The following NKAIN2 variants were observed in gnomAD, a reference collection of about 807,000 sequenced individuals.
NKAIN2 encodes sodium/potassium-transporting ATPase subunit beta-1-interacting protein 2.
A neutral mutation model predicts 32.6 loss-of-function variants in NKAIN2; 14 were observed. The ratio of observed to expected loss-of-function variants is 0.43; its 90% CI spans 0.28 to 0.67. The LOEUF is 0.67. NKAIN2 is among the 30% of genes least tolerant of loss of function. The probability of loss-of-function intolerance (pLI) is 0.17; values close to 1 mark genes in which losing one functional copy is unlikely to be tolerated. For synonymous variants in NKAIN2, 80 were observed against 87.2 expected (o/e 0.92, Z 0.46); for missense variants, 198 against 258.3 (o/e 0.77, Z 1.60).
At chr6:124,665,910 G>A (rs925938133) in intron 4 of NKAIN2, among the ~76,000 whole-genome samples, 1 of 152,038 alleles carries the variant, frequency 6.6e-6, no homozygotes, top group Non-Finnish European at 1.5e-5. Context: ...ATCGTGAGTT[G>A]GTGTAGATCT....
At chr6:124,224,875 G>C (rs73770370) in intron 1 of NKAIN2, among the ~76,000 whole-genome samples, 3,547 of 152,120 alleles carry the variant, frequency 0.023, 131 homozygotes, top group African/African-American at 0.082. Flanking sequence ...AGTAATTTAG[G>C]ATGTGGCTAT....
chr6:124,145,186 A>C (rs1247633452), intron 1 of NKAIN2, among the ~76,000 whole-genome samples: 1 of 152,210 alleles, frequency 6.6e-6, no homozygotes, highest in Non-Finnish European at 1.5e-5. Context: ...GGAAATGAAA[A>C]ATGTTAGACA....
intron 2 of NKAIN2, among the ~76,000 whole-genome samples, chr6:124,337,162 T>G (rs1797911344): frequency 6.6e-6 from 1 of 152,152 alleles, no homozygotes; most frequent in South Asian, 2.1e-4. Flanking sequence ...ATAAATTTAT[T>G]TAAATTTGAA....
At chr6:124,460,705 A>G (rs923741899) in intron 3 of NKAIN2, among the ~76,000 whole-genome samples, 23 of 151,602 alleles carry the variant, frequency 1.5e-4, no homozygotes, top group African/African-American at 5.1e-4. Context: ...TCTAAAAGTG[A>G]TTTGTTAACT....
intron 1 of NKAIN2, among the ~76,000 whole-genome samples, chr6:123,854,685 G>A (rs768458004): frequency 2.0e-4 from 31 of 152,078 alleles, no homozygotes; most frequent in Non-Finnish European, 3.7e-4. Flanking sequence ...GAGTACATAA[G>A]TAACTTGTGC....
At position 124,759,636 on chromosome 6, in the gene NKAIN2, CACACACACACACACACACA is replaced by C. The variant is rs1211180591; in HGVS notation, c.475-31702_475-31684del. Among the ~76,000 whole-genome samples, 124 of 128,818 alleles carry C rather than the reference CACACACACACACACACACA, an allele frequency of 9.6e-4. 1 individual carries two copies. Among genetic ancestry groups the C allele is most frequent in the South Asian group, 2.7e-3 (10 of 3,736 alleles). 84.5% of individuals were successfully genotyped at this position (128,818 alleles called of 152,430 possible). On this transcript the variant is annotated intron_variant, in intron 4 of 6. Transcript: ENST00000368417. ...ACACACACACACACACACACACACA[CACACACACACACACACACA>C]CCCCCTATCTCCCTTTCCTGCCTTA...
At chr6:124,479,897 A>G (rs1005032983) in intron 3 of NKAIN2, among the ~76,000 whole-genome samples, 1 of 152,184 alleles carries the variant, frequency 6.6e-6, no homozygotes, top group African/African-American at 2.4e-5. Context: ...ATTAGACCTA[A>G]TTAGAAATAG....
chr6:124,382,553 C>T (rs548257957), intron 3 of NKAIN2, among the ~76,000 whole-genome samples: 21 of 152,242 alleles, frequency 1.4e-4, no homozygotes, highest in Non-Finnish European at 2.5e-4. Context: ...TCCTCTAATT[C>T]TCTGCCAGAT....
chr6:124,219,776 CA>C (rs1458834737), intron 1 of NKAIN2, among the ~76,000 whole-genome samples: 3 of 152,068 alleles, frequency 2.0e-5, no homozygotes, highest in African/African-American at 7.2e-5. Flanking sequence ...TATTTTAGAA[CA>C]ACATCAGTGA....
intron 2 of NKAIN2, among the ~76,000 whole-genome samples, chr6:124,297,565 TC>T (rs1796110580): frequency 1.3e-5 from 2 of 151,890 alleles, no homozygotes; most frequent in Admixed American, 6.5e-5. Context: ...ATACTGCTCT[TC>T]CTTCCTCTCC....
chr6:124,477,375 G>T (rs1777262011), intron 3 of NKAIN2, among the ~76,000 whole-genome samples: 1 of 152,128 alleles, frequency 6.6e-6, no homozygotes, highest in Non-Finnish European at 1.5e-5. Flanking sequence ...TGGGCCATCT[G>T]CTCTAGTCCC....
At chr6:124,346,698 T>A (rs1798440988) in intron 2 of NKAIN2, among the ~76,000 whole-genome samples, 1 of 151,812 alleles carries the variant, frequency 6.6e-6, no homozygotes, top group African/African-American at 2.4e-5. Flanking sequence ...TAGATCTTCC[T>A]CCATCCTTTT....
chr6:124,141,099 A>G (rs1371147373), intron 1 of NKAIN2, among the ~76,000 whole-genome samples: 1 of 152,196 alleles, frequency 6.6e-6, no homozygotes, highest in African/African-American at 2.4e-5. Context: ...ATCACAGGAA[A>G]TTAGGCCACT....
intron 3 of NKAIN2, among the ~76,000 whole-genome samples, chr6:124,606,767 C>T (rs905907137): frequency 5.9e-5 from 9 of 152,188 alleles, no homozygotes; most frequent in African/African-American, 1.9e-4. Flanking sequence ...ACTGATGCAT[C>T]GGTTTAGTAA....
At chr6:123,944,655 A>G (rs536807823) in intron 1 of NKAIN2, among the ~76,000 whole-genome samples, 12 of 152,264 alleles carry the variant, frequency 7.9e-5, no homozygotes, top group African/African-American at 2.9e-4. Flanking sequence ...AAGGAAAAAT[A>G]TAAAACTTGA....
intron 4 of NKAIN2, among the ~76,000 whole-genome samples, chr6:124,763,757 C>T (rs1056464515): frequency 5.9e-5 from 9 of 152,144 alleles, no homozygotes; most frequent in Admixed American, 2.6e-4. Context: ...AGCCATTCCA[C>T]AGACATATTT....
chr6:124,364,047 C>T (rs573415980), intron 3 of NKAIN2, among the ~76,000 whole-genome samples: 1 of 151,320 alleles, frequency 6.6e-6, no homozygotes, highest in East Asian at 1.9e-4. Context: ...ATAATTTAGC[C>T]CCAGAGAACT....
chr6:124,035,495 G>A (rs1231345467), intron 1 of NKAIN2, among the ~76,000 whole-genome samples: 1 of 152,058 alleles, frequency 6.6e-6, no homozygotes, highest in Non-Finnish European at 1.5e-5. Flanking sequence ...CTAATCTCCT[G>A]TAGTTTCCAA....
chr6:124,284,158 A>G (rs922796933), intron 2 of NKAIN2, among the ~76,000 whole-genome samples: 1 of 152,212 alleles, frequency 6.6e-6, no homozygotes, highest in African/African-American at 2.4e-5. Context: ...AGTGCATGTC[A>G]CTGCAGAGGC....
Sources: gnomAD v4.1 joint callset for allele counts (sites outside exome capture counted in the v4.1 genomes callset) on GRCh38, gnomAD v4.1.1 for gene constraint, MANE v1.5 for transcripts, NCBI Gene and HGNC (gene_info 2026-07-23, HGNC 2026-07-21) for gene names.